Variants in PLCXD3 observed in about 807,000 individuals in gnomAD.
The protein encoded by PLCXD3 is PI-PLC X domain-containing protein 3.
A neutral mutation model predicts 25.5 loss-of-function variants in PLCXD3; 19 were observed. That is an observed-to-expected ratio of 0.75 (90% CI 0.52 to 1.09). PLCXD3 has a LOEUF of 1.09. Among genes scored for constraint, PLCXD3 ranks in the 50% least tolerant of loss-of-function variants. PLCXD3 has a pLI of 0.00. For synonymous variants in PLCXD3, 174 were observed against 137.6 expected, an observed-to-expected ratio of 1.26 and a Z score of -1.85; for missense variants, 411 against 388.1, an observed-to-expected ratio of 1.06 and a Z score of -0.50.
At chr5:41,477,420 C>A (rs1748304949) in intron 1 of PLCXD3, among the ~76,000 whole-genome samples, 1 of 152,138 alleles carries the variant, frequency 6.6e-6, no homozygotes, top group East Asian at 1.9e-4. Flanking sequence ...CCTGTCGCTC[C>A]TGGTTCAAAA....
chr5:41,366,990 T>C (rs546376070), intron 2 of PLCXD3, among the ~76,000 whole-genome samples: 15 of 152,348 alleles, frequency 9.8e-5, no homozygotes, highest in African/African-American at 3.6e-4. Flanking sequence ...TATGACCACA[T>C]AGTATTCTAT....
At chr5:41,393,472 T>A (rs1745898568) in intron 1 of PLCXD3, among the ~76,000 whole-genome samples, 1 of 152,150 alleles carries the variant, frequency 6.6e-6, no homozygotes, top group Admixed American at 6.6e-5. Flanking sequence ...GCAAAATATA[T>A]CCTTCAAACA....
intron 2 of PLCXD3, among the ~76,000 whole-genome samples, chr5:41,319,948 C>G (rs886935692): frequency 2.0e-5 from 3 of 151,994 alleles, no homozygotes; most frequent in Non-Finnish European, 4.4e-5. Context: ...TGCAGAAATT[C>G]AAAAGTTCAT....
Position 41,482,384 on chromosome 5 carries a change from C to T in PLCXD3, c.103+28040G>A, listed in dbSNP as rs183399658. Among the ~76,000 whole-genome samples the T allele has an allele frequency of 3.3e-5, 5 of 152,232 alleles. No homozygotes were observed. In the East Asian group the frequency reaches 7.7e-4, roughly 24 times the overall value. On this transcript the variant is annotated intron_variant, in intron 1 of 2. Coordinates refer to ENST00000377801, the MANE Select transcript of PLCXD3 (RefSeq NM_001005473.3). Reference sequence around the variant, plus strand: ...GCTTTGTAGTCACGTGTCTGGGCCACGTGACTCGTAACGTACTTACAAATC... The same window carrying T: ...GCTTTGTAGTCACGTGTCTGGGCCATGTGACTCGTAACGTACTTACAAATC...
At chr5:41,422,757 C>T (rs1294016541) in intron 1 of PLCXD3, among the ~76,000 whole-genome samples, 1 of 152,066 alleles carries the variant, frequency 6.6e-6, no homozygotes, top group African/African-American at 2.4e-5. Flanking sequence ...TCTTTTACTT[C>T]GTTTGCTATA....
At chr5:41,446,181 A>AAAAAAAAAAAAAAG in intron 1 of PLCXD3, among the ~76,000 whole-genome samples, 1 of 140,798 alleles carries the variant, frequency 7.1e-6, no homozygotes, top group Non-Finnish European at 1.5e-5. Context: ...CTTCTCAAAA[A>AAAAAAAAAAAAAAG]AAAAAAAAAA....
chr5:41,501,436 C>T (rs1242034640), intron 1 of PLCXD3, among the ~76,000 whole-genome samples: 2 of 152,004 alleles, frequency 1.3e-5, no homozygotes, highest in Non-Finnish European at 2.9e-5. Context: ...ATAAACCAGT[C>T]ACAAAAGGAC....
intron 2 of PLCXD3, among the ~76,000 whole-genome samples, chr5:41,342,444 C>A (rs892639067): frequency 6.6e-6 from 1 of 152,080 alleles, no homozygotes; most frequent in Non-Finnish European, 1.5e-5. Flanking sequence ...CTCTGTTTCC[C>A]AAACTTGTTA....
intron 2 of PLCXD3, among the ~76,000 whole-genome samples, chr5:41,330,930 T>C (rs1223952880): frequency 6.6e-6 from 1 of 152,164 alleles, no homozygotes; most frequent in Non-Finnish European, 1.5e-5. Flanking sequence ...AAATTAGGTA[T>C]TGATGGGATG....
In PLCXD3 at chr5:41,418,599, G is replaced by A. The variant is rs544010873; in HGVS notation, c.104-36065C>T. ...TAGATACTAAGGCAAAGTTAAAACTGAATGGTATGTAATTCAGTTGCAAGT... is the reference window on the plus strand; with the variant it reads ...TAGATACTAAGGCAAAGTTAAAACTAAATGGTATGTAATTCAGTTGCAAGT... On this transcript the variant is annotated intron_variant, in intron 1 of 2. Transcript: ENST00000377801. Among the ~76,000 whole-genome samples the A allele has an allele frequency of 1.2e-4, 19 of 152,188 alleles. No individual in the cohort carries two copies. The South Asian group carries it at 1.7e-3, about 13-fold the overall frequency.
At chr5:41,402,977 T>C (rs1746231017) in intron 1 of PLCXD3, among the ~76,000 whole-genome samples, 1 of 152,144 alleles carries the variant, frequency 6.6e-6, no homozygotes, top group South Asian at 2.1e-4. Context: ...TTGAATTCAA[T>C]TGTAATCCAT....
intron 1 of PLCXD3, among the ~76,000 whole-genome samples, chr5:41,482,962 C>G (rs1217348786): frequency 6.6e-6 from 1 of 152,148 alleles, no homozygotes; most frequent in East Asian, 1.9e-4. Context: ...AACGGCCATT[C>G]TAGTTTCTAT....
At chr5:41,494,630 A>C (rs1748794769) in intron 1 of PLCXD3, among the ~76,000 whole-genome samples, 1 of 152,204 alleles carries the variant, frequency 6.6e-6, no homozygotes, top group Non-Finnish European at 1.5e-5. Context: ...GGGTCATGTT[A>C]AGTTTAAGAT....
chr5:41,492,169 T>G (rs1291502829), intron 1 of PLCXD3, among the ~76,000 whole-genome samples: 10 of 150,814 alleles, frequency 6.6e-5, no homozygotes, highest in African/African-American at 2.4e-4. Flanking sequence ...GTCTGTAAAG[T>G]ATTTTATTTC....
chr5:41,510,229 G>T (rs1346194627), intron 1 of PLCXD3, among the ~76,000 whole-genome samples, 195 bp downstream of exon 1: 3 of 152,236 alleles, frequency 2.0e-5, no homozygotes, highest in South Asian at 4.2e-4. Flanking sequence ...CTAGCGCCTC[G>T]GTCCTTAGGG....
At chr5:41,330,731 A>G (rs1449387306) in intron 2 of PLCXD3, among the ~76,000 whole-genome samples, 3 of 152,208 alleles carry the variant, frequency 2.0e-5, no homozygotes, top group African/African-American at 4.8e-5. Flanking sequence ...GCAGCACATC[A>G]AAAAGCTTAT....
chr5:41,483,969 C>T (rs1408793718), intron 1 of PLCXD3, among the ~76,000 whole-genome samples: 1 of 151,962 alleles, frequency 6.6e-6, no homozygotes, highest in Non-Finnish European at 1.5e-5. Flanking sequence ...GCTCCAAATG[C>T]ATTAATGTAG....
At chr5:41,391,500 G>A (rs1201052944) in intron 1 of PLCXD3, among the ~76,000 whole-genome samples, 5 of 152,152 alleles carry the variant, frequency 3.3e-5, no homozygotes, top group African/African-American at 1.2e-4. Context: ...ATGTAGTTCT[G>A]CCGGCATTCA....
chr5:41,403,401 G>GTTTTGTTTTTGTTTTTGTTT (rs1746251131), intron 1 of PLCXD3, among the ~76,000 whole-genome samples: 3 of 18,394 alleles, frequency 1.6e-4, no homozygotes, highest in Admixed American at 5.1e-4. Context: ...CTTATTTGTT[G>GTTTTGTTTTTGTTTTTGTTT]TTTTTTTTTT....
Sources: allele counts gnomAD v4.1 joint callset (sites outside exome capture counted in the v4.1 genomes callset), GRCh38; gene constraint gnomAD v4.1.1; transcripts MANE v1.5; gene names NCBI Gene and HGNC (gene_info 2026-07-23, HGNC 2026-07-21).